DCLRE1C: variants seen among roughly 807,000 people sequenced by gnomAD.
DCLRE1C encodes the protein protein artemis.
A neutral mutation model predicts 61.4 loss-of-function variants in DCLRE1C; 47 were observed. The observed-to-expected ratio is 0.77, with a 90% CI of 0.61 to 0.98. The LOEUF (loss-of-function observed/expected upper bound fraction) is 0.98. Ranked by LOEUF, DCLRE1C falls within the 50% of genes least tolerant of loss-of-function variation. The pLI is 0.00. For synonymous variants in DCLRE1C, 337 were observed against 287.6 expected (o/e 1.17, Z -1.74); for missense variants, 858 against 816.0 (o/e 1.05, Z -0.63).
chr10:14,897,974 T>C (rs1833705570), exon 14 of DCLRE1C: 1 of 152,076 alleles, frequency 6.6e-6, no homozygotes. Context: ...TTTTGTAAAA[T>C]ATACACAAGC....
At chr10:14,911,611 GAAAA>G (rs967308611) in intron 13 of DCLRE1C, among the ~76,000 whole-genome samples, 1 of 151,836 alleles carries the variant, frequency 6.6e-6, no homozygotes, top group Non-Finnish European at 1.5e-5. Flanking sequence ...TGCAATAAAA[GAAAA>G]AAATAGACAA....
chr10:14,938,300 A>C (rs1840306578), intron 4 of DCLRE1C, among the ~76,000 whole-genome samples: 1 of 152,158 alleles, frequency 6.6e-6, no homozygotes, highest in African/African-American at 2.4e-5. Flanking sequence ...ATTCCCCGGA[A>C]AAGCAGTTGG....
At chr10:14,932,321 T>G (rs1394162491) in intron 9 of DCLRE1C, among the ~76,000 whole-genome samples, 1 of 152,302 alleles carries the variant, frequency 6.6e-6, no homozygotes, top group East Asian at 1.9e-4. Flanking sequence ...ATCAAACGTG[T>G]ATGAATAGAT....
chr10:14,918,608 T>C (rs777399326), intron 13 of DCLRE1C, among the ~76,000 whole-genome samples: 19 of 148,822 alleles, frequency 1.3e-4, no homozygotes, highest in Non-Finnish European at 2.5e-4. Flanking sequence ...ATATCAATTA[T>C]ACCTCAGGAA....
At chr10:14,935,234 A>AG (rs35829556) in intron 6 of DCLRE1C, among the ~76,000 whole-genome samples, 3 of 151,998 alleles carry the variant, frequency 2.0e-5, no homozygotes, top group Admixed American at 6.6e-5. Flanking sequence ...TGGGAGGCCA[A>AG]GGGGGGCAGA....
At chr10:14,948,909 T>G in intron 2 of DCLRE1C, 127 bp downstream of exon 2, 2 of 729,214 alleles carry the variant, frequency 2.7e-6, no homozygotes, top group Non-Finnish European at 4.8e-6. Context: ...TACTGTCCTA[T>G]TTCTTAATCT....
At chr10:14,920,269 C>T in intron 12 of DCLRE1C, 2 of 532,030 alleles carry the variant, frequency 3.8e-6, no homozygotes, top group Non-Finnish European at 5.1e-6. Context: ...TTATATCTCA[C>T]AGGAATCTCC....
At chr10:14,942,601 G>A (rs1236409400) in intron 3 of DCLRE1C, among the ~76,000 whole-genome samples, 1 of 152,184 alleles carries the variant, frequency 6.6e-6, no homozygotes, top group African/African-American at 2.4e-5. Flanking sequence ...GAAAACTTCA[G>A]TCACATCACA....
chr10:14,910,278 G>T (rs1424711256), intron 13 of DCLRE1C, among the ~76,000 whole-genome samples: 2 of 152,160 alleles, frequency 1.3e-5, no homozygotes, highest in Admixed American at 6.6e-5. Flanking sequence ...TGAACTTAGG[G>T]CTTAAGGTCA....
At chr10:14,910,983 G>A (rs962182063) in intron 13 of DCLRE1C, among the ~76,000 whole-genome samples, 6 of 152,200 alleles carry the variant, frequency 3.9e-5, no homozygotes, top group Admixed American at 1.3e-4. Flanking sequence ...GATGTGAGGT[G>A]GAAGTGGAAC....
At chr10:14,935,321 C>T (rs777585225) in intron 6 of DCLRE1C, 142 bp downstream of exon 6, 2 of 874,732 alleles carry the variant, frequency 2.3e-6, no homozygotes, top group South Asian at 1.5e-5. Context: ...ACAAAATTAG[C>T]TGGGCGTGGT....
chr10:14,949,003 T>C (rs750245075), intron 2 of DCLRE1C, 33 bp downstream of exon 2: 29 of 1,507,468 alleles, frequency 1.9e-5, no homozygotes, highest in Middle Eastern at 1.7e-4. Flanking sequence ...ATTAAAATGT[T>C]TGCTTAAAAA....
In DCLRE1C at chr10:14,905,333, G is replaced by A. The variant is rs184779893; in HGVS notation, c.*3075C>T. On this transcript the variant is annotated 3_prime_UTR_variant, in exon 14 of 14. Coordinates refer to ENST00000378278, the MANE Select transcript of DCLRE1C (RefSeq NM_001033855.3). ...GGATGAATACTTCAGAAATTTTTGAGCATTGTCACTCACCAGGTACGTAAA... is the reference window on the plus strand; with the variant it reads ...GGATGAATACTTCAGAAATTTTTGAACATTGTCACTCACCAGGTACGTAAA... Among the ~76,000 whole-genome samples, 2 of 152,216 alleles carry A rather than the reference G, an allele frequency of 1.3e-5. No individual in the cohort carries two copies. Among genetic ancestry groups the A allele is most frequent in the Non-Finnish European group, 2.9e-5 (2 of 68,038 alleles).
Position 14,949,455 on chromosome 10 carries a change from C to T in DCLRE1C, c.110-368G>A, listed in dbSNP as rs1007396243. 3.1e-4 allele frequency among the ~76,000 whole-genome samples: 47 copies of T among 152,232 alleles called. 2 individuals are homozygous for T. The highest frequency in any genetic ancestry group is 3.0e-3 in the Admixed American group (46 of 15,278). ...AAGCTCTATGGGACCCATTCACTTT[C>T]TGCCACTTAAATCAGTCTATCTAGA... On this transcript the variant is annotated intron_variant, in intron 1 of 13. Transcript: ENST00000378278.
chr10:14,923,166 C>T, intron 11 of DCLRE1C, 97 bp from the exon 12 acceptor site: 1 of 935,764 alleles, frequency 1.1e-6, no homozygotes, highest in Non-Finnish European at 1.7e-6. Flanking sequence ...GCAGAACTCT[C>T]TTATGGCTGT....
intron 9 of DCLRE1C, among the ~76,000 whole-genome samples, chr10:14,928,395 C>T (rs893240510): frequency 6.6e-6 from 1 of 152,150 alleles, no homozygotes; most frequent in Non-Finnish European, 1.5e-5. Flanking sequence ...AAAGGCTAGA[C>T]AAACGATCTA....
chr10:14,950,329 A>G (rs1362810594), intron 1 of DCLRE1C, among the ~76,000 whole-genome samples: 9 of 150,824 alleles, frequency 6.0e-5, no homozygotes, highest in Admixed American at 3.3e-4. Flanking sequence ...AACTAGAGTG[A>G]AACTCCATCT....
intron 9 of DCLRE1C, among the ~76,000 whole-genome samples, 181 bp from the exon 10 acceptor site, chr10:14,928,333 G>A (rs1305295750): frequency 6.6e-6 from 1 of 152,074 alleles, no homozygotes; most frequent in Non-Finnish European, 1.5e-5. Flanking sequence ...GGGGAATATT[G>A]TGCAAAACAA....
At chr10:14,916,876 C>G (rs1836289355) in intron 13 of DCLRE1C, among the ~76,000 whole-genome samples, 2 of 152,148 alleles carry the variant, frequency 1.3e-5, no homozygotes, top group Non-Finnish European at 1.5e-5. Flanking sequence ...ATCAAAACCT[C>G]AGGAGAGGAC....
Sources: gnomAD v4.1 joint callset for allele counts (sites outside exome capture counted in the v4.1 genomes callset) on GRCh38, gnomAD v4.1.1 for gene constraint, MANE v1.5 for transcripts, NCBI Gene and HGNC (gene_info 2026-07-23, HGNC 2026-07-21) for gene names.